Variants in ATG16L2 observed in about 807,000 individuals in gnomAD.
ATG16L2 encodes autophagy related 16 like 2.
Under a neutral mutation model 84.7 loss-of-function variants are expected in ATG16L2, and 77 were observed. The ratio of observed to expected loss-of-function variants is 0.91; its 90% CI spans 0.76 to 1.10. The LOEUF (loss-of-function observed/expected upper bound fraction) is 1.10, where lower values mean the gene tolerates loss of function less well. Ranked by LOEUF, ATG16L2 falls within the 50% of genes least tolerant of loss-of-function variation. The pLI is 0.00. For synonymous variants in ATG16L2, 361 were observed against 342.8 expected (o/e 1.05, Z -0.59); for missense variants, 782 against 817.6 (o/e 0.96, Z 0.53).
At chr11:72,817,608 C>T in intron 2 of ATG16L2, 148 bp from the exon 3 acceptor site, 1 of 738,982 alleles carries the variant, frequency 1.4e-6, no homozygotes, top group Non-Finnish European at 2.3e-6. Flanking sequence ...TAGAGACTTG[C>T]CTTTTCCTTT....
rs909235479 is a variant in ATG16L2 at position 72,841,546 on chromosome 11, G to A, written c.*22-1071G>A. On this transcript the variant is annotated intron_variant, in intron 5 of 5. Coordinates refer to the ATG16L2 transcript ENST00000534905. ...GGGAGGCTGGTCGTACAACGGCAGT[G>A]GAGGCAGGGAGGCGTGTGGCTTGGG... The A allele has an allele frequency of 5.6e-6, 9 of 1,610,542 alleles. No homozygotes were observed. In the African/African-American group the frequency reaches 9.4e-5, roughly 17 times the overall value.
In ATG16L2 at chr11:72,829,283, C is replaced by G. The variant is rs1206506828; in HGVS notation, c.1773-20C>G. The G allele has an allele frequency of 6.2e-7, 1 of 1,611,538 alleles. No homozygotes were observed. Among genetic ancestry groups the G allele is most frequent in the East Asian group, 2.2e-5 (1 of 44,846 alleles). On this transcript the variant is annotated intron_variant, in intron 17 of 17. Transcript: ENST00000321297. ...GCAGTTCCTGAAGCCCCCCTGAAGC[C>G]TGCCCCTCCCTTTCCCCAGCGCTGC...
Position 72,828,869 on chromosome 11 carries a change from T to C in ATG16L2, c.1671-14T>C. On this transcript the variant is annotated splice_polypyrimidine_tract_variant and intron_variant, in intron 16 of 17. Transcript: ENST00000321297. ...CTGACCCCCCGTTTTCTTGCTCTGC[T>C]GTGGCCACTACAGCCCGGACAGAAG... The C allele has an allele frequency of 1.2e-6, 2 of 1,614,186 alleles. No homozygotes were observed. Among genetic ancestry groups the C allele is most frequent in the Non-Finnish European group, 1.7e-6 (2 of 1,180,000 alleles).
chr11:72,829,408 C>G lies in ATG16L2; in HGVS notation c.*18C>G, dbSNP rs1860550771. 2 of 1,605,522 alleles carry G rather than the reference C, an allele frequency of 1.2e-6. No individual in the cohort carries two copies. The highest frequency in any genetic ancestry group is 1.3e-5 in the African/African-American group (1 of 74,868). ...GGCAGTAGGGCCACGACCTGCCTGC[C>G]TGGGCTGGAGCTCTTGCCCGAAGCC... On this transcript the variant is annotated 3_prime_UTR_variant, in exon 18 of 18. Transcript: ENST00000321297.
exon 6 of ATG16L2, chr11:72,843,436 C>T: frequency 1.2e-6 from 2 of 1,606,810 alleles, no homozygotes; most frequent in Non-Finnish European, 1.7e-6. Context: ...GCGATATGAG[C>T]AAAGGAATAT....
chr11:72,822,212 G>A lies in ATG16L2; in HGVS notation c.561G>A (p.Glu187=), dbSNP rs1027770518. Residue 187 remains glutamate, a synonymous_variant, in exon 5 of 18, where the codon GAG becomes GAA. Coordinates refer to ENST00000321297, the MANE Select transcript of ATG16L2 (RefSeq NM_033388.2). The surrounding 1 kb of genome is among the most constrained non-coding windows in gnomAD (Gnocchi z 4.2). ...CGGCACTGCGCAGGCTCCAGGAAGA[G>A]GCGCGCGACCTGCTGGAGAGGCTCG... The part of the protein sequence containing the change: ...REAALRRLQE[E]ARDLLERLVQ... The A allele has an allele frequency of 2.0e-6, 3 of 1,505,714 alleles. No individual in the cohort carries two copies. The highest frequency in any genetic ancestry group is 2.5e-5 in the South Asian group (2 of 81,202). 93.3% of individuals were successfully genotyped at this position (1,505,714 alleles called of 1,614,324 possible).
At chr11:72,830,335 C>T (rs1235053719), downstream of ATG16L2, among the ~76,000 whole-genome samples, 1 of 152,202 alleles carries the variant, frequency 6.6e-6, no homozygotes, top group African/African-American at 2.4e-5. Context: ...ATCATCTCCC[C>T]TGCAAGTGAC....
chr11:72,825,257 C>A, intron 9 of ATG16L2, 45 bp from the exon 10 acceptor site: 2 of 1,495,732 alleles, frequency 1.3e-6, no homozygotes, highest in South Asian at 2.3e-5. Context: ...CTCACAGAGA[C>A]ATGCGCGGGG....
At chr11:72,826,418 G>A in intron 11 of ATG16L2, 100 bp from the exon 12 acceptor site, 1 of 1,515,486 alleles carries the variant, frequency 6.6e-7, no homozygotes, top group Non-Finnish European at 9.0e-7. Flanking sequence ...TTGGTGACCT[G>A]GGCCGTGGGA....
chr11:72,822,139 A>T lies in ATG16L2; in HGVS notation c.488A>T (p.Gln163Leu). The change falls in exon 5 of 18, where the codon CAG becomes CTG. Residue 163 changes from glutamine to leucine, a missense_variant. Coordinates refer to ENST00000321297, the MANE Select transcript of ATG16L2 (RefSeq NM_033388.2). This position sits in a 1 kb window ranked among gnomAD's most constrained non-coding sequence, Gnocchi z 4.2. ...VEEWRAQNAV[Q>L]RAAYEALRAH... The stretch of plus-strand genomic sequence containing the variant: ...GAGTGGCGGGCGCAGAATGCGGTGC[A>T]GCGGGCAGCCTACGAGGCGCTGCGC... 1.3e-6 allele frequency: 2 copies of T among 1,502,826 alleles called. No individual in the cohort carries two copies. Among genetic ancestry groups the T allele is most frequent in the Non-Finnish European group, 1.8e-6 (2 of 1,135,354 alleles). The allele number at this position is 1,502,826 out of a possible 1,614,324, so 93.1% of individuals were successfully genotyped here.
In ATG16L2 at chr11:72,828,538, G is replaced by C. The variant is rs200672561; in HGVS notation, c.1622+30G>C. On this transcript the variant is annotated intron_variant, in intron 15 of 17. Transcript: ENST00000321297. ...CAGCCTCATGCCTGCTGACCCTGTG[G>C]CCTTTGCTGGGACAGCTGAGCCTCT... The C allele has an allele frequency of 1.9e-5, 31 of 1,613,614 alleles. 2 individuals are homozygous for C. The African/African-American group carries it at 3.3e-4, about 17-fold the overall frequency.
chr11:72,828,040 T>G (rs1427538305), intron 14 of ATG16L2, among the ~76,000 whole-genome samples: 1 of 152,254 alleles, frequency 6.6e-6, no homozygotes, highest in East Asian at 1.9e-4. Flanking sequence ...CAATTACTGT[T>G]TGCAACCCTT....
At chr11:72,824,323 C>T in intron 8 of ATG16L2, 1 of 635,292 alleles carries the variant, frequency 1.6e-6, no homozygotes, top group Non-Finnish European at 2.8e-6. Flanking sequence ...GTTCTGTCCT[C>T]ACAAGGGTCT....
intron 5 of ATG16L2, chr11:72,840,975 AAAG>A (rs748938354): frequency 1.9e-6 from 3 of 1,594,096 alleles, no homozygotes; most frequent in Middle Eastern, 1.7e-4. Context: ...GGAGAAAACC[AAAG>A]AAGCTCATTT....
At chr11:72,814,697 C>A in intron 1 of ATG16L2, 134 bp downstream of exon 1, 1 of 629,530 alleles carries the variant, frequency 1.6e-6, no homozygotes, top group Non-Finnish European at 2.4e-6. Context: ...TGCGTTACGC[C>A]CATCCCGACT....
intron 17 of ATG16L2, 25 bp downstream of exon 17, chr11:72,829,009 C>A: frequency 6.2e-7 from 1 of 1,605,878 alleles, no homozygotes; most frequent in African/African-American, 1.3e-5. Flanking sequence ...CACCTGGCCA[C>A]CTGCCTGGCC....
intron 12 of ATG16L2, 37 bp downstream of exon 12, chr11:72,826,626 G>T (rs1369722245): frequency 1.2e-6 from 2 of 1,614,136 alleles, no homozygotes; most frequent in South Asian, 1.1e-5. Context: ...GGAGGTCAGA[G>T]GTCATACCTC....
chr11:72,828,802 TG>T (rs1860510409), intron 16 of ATG16L2, 26 bp downstream of exon 16: 1 of 1,614,062 alleles, frequency 6.2e-7, no homozygotes, highest in South Asian at 1.1e-5. Context: ...CATATGCCTG[TG>T]TCCAAGTGTG....
Position 72,824,126 on chromosome 11 carries a change from AGT to A in ATG16L2, c.887+14_887+15del, listed in dbSNP as rs752823580. The stretch of plus-strand genomic sequence containing the variant: ...ATGTGGTGAAGGGGCTTCTGGAGTA[AGT>A]GTGTGTGTGCCTGTGTGTGCACCCA... On this transcript the variant is annotated splice_donor_5th_base_variant and intron_variant, in intron 8 of 17. Transcript: ENST00000321297. The A allele has an allele frequency of 3.7e-6, 6 of 1,613,922 alleles. No homozygotes were observed. Among genetic ancestry groups the A allele is most frequent in the African/African-American group, 1.3e-5 (1 of 74,892 alleles).
Sources: allele counts gnomAD v4.1 joint callset (sites outside exome capture counted in the v4.1 genomes callset), GRCh38; gene constraint gnomAD v4.1.1; non-coding constraint Gnocchi (gnomAD v3.1); transcripts MANE v1.5; gene names NCBI Gene and HGNC (gene_info 2026-07-23, HGNC 2026-07-21).